The following NLRC5 variants were observed in gnomAD, a reference collection of about 807,000 sequenced individuals.
NLRC5 encodes protein NLRC5.
In NLRC5, 114 loss-of-function variants were observed where a neutral mutation model predicts 206.9. The ratio of observed to expected loss-of-function variants is 0.55; its 90% CI spans 0.47 to 0.64. NLRC5 has a LOEUF of 0.64. Among genes scored for constraint, NLRC5 ranks in the 30% least tolerant of loss-of-function variants. The pLI is 0.00. For synonymous variants in NLRC5, 952 were observed against 962.8 expected, an observed-to-expected ratio of 0.99 and a Z score of 0.21; for missense variants, 2,008 against 2,305.5, an observed-to-expected ratio of 0.87 and a Z score of 2.64.
chr16:57,079,527 T>G lies in NLRC5; in HGVS notation c.5238-19T>G. 1 of 1,609,700 alleles carries G rather than the reference T, an allele frequency of 6.2e-7. No individual in the cohort carries two copies. Among genetic ancestry groups the G allele is most frequent in the Non-Finnish European group, 8.5e-7 (1 of 1,176,040 alleles). On this transcript the variant is annotated intron_variant, in intron 45 of 48. Coordinates refer to ENST00000688547, the MANE Select transcript of NLRC5 (RefSeq NM_001384950.1). ...CTCAAACAACCCCCATCCCATCCCA[T>G]GCCCTTCTCCATCCCCAGCCTGGTT...
rs772534958 is a variant in NLRC5 at position 57,077,701 on chromosome 16, G to A, written c.4920-18G>A. Reference sequence around the variant, plus strand: ...AGAGGGGGCATCAGAGGACCTGATGGCTGCCCCCCTCCCACAGCCTCTCAG... The same window carrying A: ...AGAGGGGGCATCAGAGGACCTGATGACTGCCCCCCTCCCACAGCCTCTCAG... On this transcript the variant is annotated intron_variant, in intron 41 of 48. Transcript: ENST00000688547. 6.4e-7 allele frequency: 1 copy of A among 1,550,710 alleles called. No individual in the cohort carries two copies. Among genetic ancestry groups the A allele is most frequent in the Non-Finnish European group, 8.7e-7 (1 of 1,146,098 alleles).
At chr16:57,021,067 G>A (rs545659470) in intron 3 of NLRC5, 60 bp downstream of exon 3, 39 of 1,529,840 alleles carry the variant, frequency 2.5e-5, no homozygotes, top group Admixed American at 1.6e-4. Context: ...ATGGGGAGCC[G>A]GGAGGAGCCC....
chr16:57,042,905 C>A (rs758171010), intron 19 of NLRC5, among the ~76,000 whole-genome samples: 2 of 152,130 alleles, frequency 1.3e-5, no homozygotes, highest in African/African-American at 2.4e-5. Context: ...TCAGGGCCTG[C>A]ACCTGGGAAG....
At chr16:57,014,811 G>T (rs1296125505) in intron 1 of NLRC5, among the ~76,000 whole-genome samples, 1 of 152,230 alleles carries the variant, frequency 6.6e-6, no homozygotes, top group Non-Finnish European at 1.5e-5. Context: ...GAGCCAGCAG[G>T]CCTGGTGTCT....
rs1177996453 is a variant in NLRC5 at position 57,043,587 on chromosome 16, C to A, written c.3186C>A (p.Leu1062=). The A allele has an allele frequency of 6.2e-7, 1 of 1,614,036 alleles. No homozygotes were observed. The highest frequency in any genetic ancestry group is 8.5e-7 in the Non-Finnish European group (1 of 1,179,892). The change falls in exon 20 of 49, where the codon CTC becomes CTA. Residue 1062 remains leucine (L), a synonymous_variant. Transcript: ENST00000688547. ...GGTGCTTCTCCACTCTGCAGTGGCT[C>A]TTCCGCTTGGACATCAGGTGAGCGT... The part of the protein sequence containing the change: ...LVRCFSTLQW[L]FRLDISFESQ...
At chr16:57,007,167 C>T (rs931845651) in intron 1 of NLRC5, among the ~76,000 whole-genome samples, 3 of 152,154 alleles carry the variant, frequency 2.0e-5, no homozygotes, top group African/African-American at 7.2e-5. Flanking sequence ...CAGATCCCTC[C>T]TCAGACACAA....
chr16:57,046,160 C>T (rs752359815), intron 21 of NLRC5, among the ~76,000 whole-genome samples: 1 of 152,204 alleles, frequency 6.6e-6, no homozygotes, highest in African/African-American at 2.4e-5. Context: ...GATAGGATCT[C>T]TGTTTCTGGG....
At chr16:57,049,709 G>A (rs1366769420) in intron 23 of NLRC5, among the ~76,000 whole-genome samples, 1 of 151,432 alleles carries the variant, frequency 6.6e-6, no homozygotes, top group Non-Finnish European at 1.5e-5. Flanking sequence ...CCTCCAGCCT[G>A]GGCAACAGAG....
chr16:57,077,215 A>T, intron 40 of NLRC5, 81 bp from the exon 41 acceptor site: 1 of 1,312,970 alleles, frequency 7.6e-7, no homozygotes, highest in Non-Finnish European at 1.1e-6. Context: ...CTGGGACTTC[A>T]GCCTCCCCTT....
intron 40 of NLRC5, 66 bp downstream of exon 40, chr16:57,076,968 G>A: frequency 7.3e-7 from 1 of 1,372,070 alleles, no homozygotes; most frequent in Non-Finnish European, 1.0e-6. Context: ...AAGGGCAAGG[G>A]GCTACCTGAG....
At position 57,078,466 on chromosome 16, in the gene NLRC5, G is replaced by GTTTTTTTTTTTTTTT. The variant is rs71383218; in HGVS notation, c.5081+456_5081+470dup. ...CAGAGTCCCAGAGTGCTGGGACCTT[G>GTTTTTTTTTTTTTTT]TTTTTTTTTTTTTTTTTTTTTTTTA... is the stretch of plus-strand genomic sequence containing the variant. On this transcript the variant is annotated intron_variant, in intron 43 of 48. Transcript: ENST00000688547. Among the ~76,000 whole-genome samples the GTTTTTTTTTTTTTTT allele has an allele frequency of 4.0e-4, 37 of 92,206 alleles. 2 individuals are homozygous for GTTTTTTTTTTTTTTT. The highest frequency in any genetic ancestry group is 1.8e-3 in the African/African-American group (36 of 20,060). The allele number at this position is 92,206 out of a possible 152,430, so 60.5% of individuals were successfully genotyped here.
intron 3 of NLRC5, among the ~76,000 whole-genome samples, chr16:57,021,341 C>T (rs1395491637): frequency 1.3e-5 from 2 of 151,808 alleles, no homozygotes; most frequent in Non-Finnish European, 2.9e-5. Context: ...TTTGTTGTTG[C>T]TCTTGTTGGG....
Position 57,079,543 on chromosome 16 carries a change from C to T in NLRC5, c.5238-3C>T. 1 of 1,613,970 alleles carries T rather than the reference C, an allele frequency of 6.2e-7. No individual in the cohort carries two copies. Among genetic ancestry groups the T allele is most frequent in the Non-Finnish European group, 8.5e-7 (1 of 1,179,866 alleles). ...CCCATCCCATGCCCTTCTCCATCCCCAGCCTGGTTTCCTGTAAGATTGACA... is the reference window on the plus strand; with the variant it reads ...CCCATCCCATGCCCTTCTCCATCCCTAGCCTGGTTTCCTGTAAGATTGACA... On this transcript the variant is annotated splice_polypyrimidine_tract_variant and splice_region_variant and intron_variant, in intron 45 of 48. Transcript: ENST00000688547.
At chr16:57,045,719 G>A (rs2063860938) in intron 21 of NLRC5, among the ~76,000 whole-genome samples, 1 of 152,252 alleles carries the variant, frequency 6.6e-6, no homozygotes, top group African/African-American at 2.4e-5. Flanking sequence ...CAGATGGGAG[G>A]AAGGGAGGGA....
intron 1 of NLRC5, among the ~76,000 whole-genome samples, chr16:56,990,021 T>C (rs899591952): frequency 2.6e-5 from 4 of 152,270 alleles, no homozygotes; most frequent in Non-Finnish European, 5.9e-5. Context: ...ACACTGTTCA[T>C]TGTACGCAAT....
intron 13 of NLRC5, among the ~76,000 whole-genome samples, chr16:57,035,659 C>T (rs1255485667): frequency 6.6e-6 from 1 of 152,190 alleles, no homozygotes; most frequent in Admixed American, 6.5e-5. Flanking sequence ...AAGCCATCCC[C>T]GACTCCCAGA....
intron 10 of NLRC5, among the ~76,000 whole-genome samples, chr16:57,030,293 T>C (rs1488351477): frequency 3.9e-5 from 6 of 152,054 alleles, no homozygotes; most frequent in African/African-American, 1.4e-4. Context: ...AAAAGATGGA[T>C]GTATGGATGG....
intron 1 of NLRC5, among the ~76,000 whole-genome samples, chr16:57,000,944 G>A (rs1405293119): frequency 1.3e-5 from 2 of 152,156 alleles, no homozygotes; most frequent in Non-Finnish European, 2.9e-5. Flanking sequence ...TGCCAGCAAG[G>A]CCTTTCCCTC....
intron 48 of NLRC5, 83 bp downstream of exon 48, chr16:57,081,693 G>A (rs567230783): frequency 1.4e-5 from 17 of 1,202,112 alleles, no homozygotes; most frequent in African/African-American, 3.0e-5. Context: ...TGGAGGAGGC[G>A]GCAGGGCCTG....
Sources: allele counts gnomAD v4.1 joint callset (sites outside exome capture counted in the v4.1 genomes callset), GRCh38; gene constraint gnomAD v4.1.1; transcripts MANE v1.5; gene names NCBI Gene and HGNC (gene_info 2026-07-23, HGNC 2026-07-21).